The following CSMD1 variants were observed in gnomAD, a reference collection of about 807,000 sequenced individuals.
CSMD1 encodes the protein CUB and Sushi multiple domains 1, also known as CUB and sushi domain-containing protein 1.
In CSMD1, 213 loss-of-function variants were observed where a neutral mutation model predicts 417.5. The observed-to-expected ratio is 0.51, with a 90% CI of 0.46 to 0.57. CSMD1 has a LOEUF of 0.57. CSMD1 is among the 20% of genes least tolerant of loss of function. CSMD1 has a pLI of 0.00. For missense variants in CSMD1, 6,923 were observed against 4,529.7 expected, an observed-to-expected ratio of 1.53 and a Z score of -15.17; for synonymous variants, 2,862 against 1,736.8, an observed-to-expected ratio of 1.65 and a Z score of -16.11.
At chr8:3,569,627 TTATG>T (rs923538192) in intron 10 of CSMD1, among the ~76,000 whole-genome samples, 2 of 152,206 alleles carry the variant, frequency 1.3e-5, no homozygotes, top group African/African-American at 2.4e-5. Flanking sequence ...CATGGAAACT[TTATG>T]TAACTGTTTC....
At chr8:4,358,426 A>C (rs572837340) in intron 3 of CSMD1, among the ~76,000 whole-genome samples, 1 of 152,350 alleles carries the variant, frequency 6.6e-6, no homozygotes, top group South Asian at 2.1e-4. Context: ...TATGAAATTC[A>C]AATTTCAGTG....
At chr8:4,825,785 CAAAAAAAAAAG>C (rs923035214) in intron 1 of CSMD1, among the ~76,000 whole-genome samples, 18 of 130,784 alleles carry the variant, frequency 1.4e-4, no homozygotes, top group African/African-American at 5.1e-4. Context: ...AAATCAAATG[CAAAAAAAAAAG>C]AAAAAAAAAA....
chr8:3,839,471 AT>A (rs1802965358), intron 5 of CSMD1, among the ~76,000 whole-genome samples: 2 of 124,210 alleles, frequency 1.6e-5, no homozygotes, highest in Admixed American at 1.0e-4. Context: ...TATATATTAT[AT>A]AATTATATTA....
chr8:4,784,199 T>C (rs1797291996), intron 1 of CSMD1, among the ~76,000 whole-genome samples: 1 of 152,208 alleles, frequency 6.6e-6, no homozygotes, highest in Non-Finnish European at 1.5e-5. Context: ...AAATGAATAT[T>C]TTATTTGACT....
At chr8:4,813,851 C>T (rs528907516) in intron 1 of CSMD1, among the ~76,000 whole-genome samples, 1 of 152,272 alleles carries the variant, frequency 6.6e-6, no homozygotes, top group South Asian at 2.1e-4. Flanking sequence ...TGCATAGTAG[C>T]ATTCTCAGGT....
At chr8:3,755,644 A>T (rs948230378) in intron 5 of CSMD1, among the ~76,000 whole-genome samples, 5 of 152,096 alleles carry the variant, frequency 3.3e-5, no homozygotes, top group African/African-American at 1.2e-4. Context: ...TTATTCTATT[A>T]CCTGGAAGAA....
intron 7 of CSMD1, among the ~76,000 whole-genome samples, chr8:3,663,603 A>T (rs529195318): frequency 6.6e-6 from 1 of 152,166 alleles, no homozygotes; most frequent in Non-Finnish European, 1.5e-5. Context: ...AGATAAACCC[A>T]TATCTGATTG....
intron 52 of CSMD1, among the ~76,000 whole-genome samples, chr8:3,014,373 A>G (rs892858423): frequency 1.3e-5 from 2 of 152,134 alleles, no homozygotes; most frequent in African/African-American, 2.4e-5. Context: ...ATATATCATC[A>G]AGTCAATTTA....
chr8:3,810,029 C>A (rs1800973001), intron 5 of CSMD1, among the ~76,000 whole-genome samples: 1 of 152,144 alleles, frequency 6.6e-6, no homozygotes, highest in African/African-American at 2.4e-5. Flanking sequence ...TAATTGCTGC[C>A]ATGTCTGTAG....
chr8:4,435,708 T>TG (rs1370788831), intron 2 of CSMD1, among the ~76,000 whole-genome samples: 1 of 152,138 alleles, frequency 6.6e-6, no homozygotes, highest in African/African-American at 2.4e-5. Flanking sequence ...TGCCTCTGTG[T>TG]GGGGCTGTGG....
intron 26 of CSMD1, among the ~76,000 whole-genome samples, chr8:3,248,631 G>A (rs777099282): frequency 5.7e-5 from 8 of 141,506 alleles, no homozygotes; most frequent in Non-Finnish European, 1.2e-4. Flanking sequence ...CTGGGTTCAC[G>A]CTCCCTCACT....
chr8:3,451,004 A>T (rs1815674741), intron 12 of CSMD1, among the ~76,000 whole-genome samples: 1 of 152,148 alleles, frequency 6.6e-6, no homozygotes, highest in African/African-American at 2.4e-5. Flanking sequence ...AATGACTGCC[A>T]TTCTAACTGG....
chr8:4,379,298 T>C (rs1037818831), intron 3 of CSMD1, among the ~76,000 whole-genome samples: 4 of 152,106 alleles, frequency 2.6e-5, no homozygotes, highest in Non-Finnish European at 4.4e-5. Flanking sequence ...ACTGTCAAGG[T>C]CAAGAAAGAC....
At chr8:4,404,204 C>A (rs879171273) in intron 3 of CSMD1, among the ~76,000 whole-genome samples, 2 of 152,094 alleles carry the variant, frequency 1.3e-5, no homozygotes, top group Non-Finnish European at 2.9e-5. Context: ...CCTGACAATC[C>A]GTATGCCACT....
intron 50 of CSMD1, among the ~76,000 whole-genome samples, chr8:3,029,835 T>C (rs1810222392): frequency 6.6e-6 from 1 of 152,038 alleles, no homozygotes; most frequent in Admixed American, 6.6e-5. Flanking sequence ...AATGAGCATA[T>C]GCAAATAAAA....
chr8:4,923,824 T>G (rs1367890785), intron 1 of CSMD1, among the ~76,000 whole-genome samples: 2 of 152,160 alleles, frequency 1.3e-5, no homozygotes, highest in African/African-American at 4.8e-5. Flanking sequence ...ATAATGAGTT[T>G]TCAATAATAA....
chr8:4,744,493 C>G (rs1810823597), intron 1 of CSMD1, among the ~76,000 whole-genome samples: 1 of 152,182 alleles, frequency 6.6e-6, no homozygotes, highest in Non-Finnish European at 1.5e-5. Flanking sequence ...ATTTATTTAG[C>G]ATAGGTTTTT....
At chr8:4,742,735 G>T (rs1038008141) in intron 1 of CSMD1, among the ~76,000 whole-genome samples, 2 of 152,080 alleles carry the variant, frequency 1.3e-5, no homozygotes, top group African/African-American at 2.4e-5. Flanking sequence ...GCAAGTGGCA[G>T]AAAGAAAAAC....
chr8:4,026,389 G>A (rs1429922114), intron 4 of CSMD1, among the ~76,000 whole-genome samples: 1 of 152,156 alleles, frequency 6.6e-6, no homozygotes, highest in Non-Finnish European at 1.5e-5. Flanking sequence ...GATCTCATTG[G>A]GATTTACCAC....
Sources: gnomAD v4.1 joint callset for allele counts (sites outside exome capture counted in the v4.1 genomes callset) on GRCh38, gnomAD v4.1.1 for gene constraint, MANE v1.5 for transcripts, NCBI Gene and HGNC (gene_info 2026-07-23, HGNC 2026-07-21) for gene names.